Variants in AKAP6 observed in about 807,000 individuals in gnomAD.
The protein encoded by AKAP6 is A-kinase anchoring protein 6, also known as A-kinase anchor protein 6.
A neutral mutation model predicts 188.5 loss-of-function variants in AKAP6; 58 were observed. That is an observed-to-expected ratio of 0.31 (90% CI 0.25 to 0.38). The LOEUF (loss-of-function observed/expected upper bound fraction) is 0.38. Ranked by LOEUF, AKAP6 falls within the 10% of genes least tolerant of loss-of-function variation. The pLI is 1.00. For synonymous variants in AKAP6, 989 were observed against 998.6 expected (o/e 0.99, Z 0.18); for missense variants, 2,710 against 2,740.0 (o/e 0.99, Z 0.24).
intron 12 of AKAP6, among the ~76,000 whole-genome samples, chr14:32,774,762 A>G (rs911501326): frequency 2.0e-5 from 3 of 152,184 alleles, no homozygotes; most frequent in African/African-American, 7.2e-5. Flanking sequence ...ACATACATAC[A>G]TACATACATA....
chr14:32,502,181 A>G (rs1014938089), intron 2 of AKAP6, among the ~76,000 whole-genome samples: 1 of 152,204 alleles, frequency 6.6e-6, no homozygotes, highest in African/African-American at 2.4e-5. Context: ...TTAGAAGAAT[A>G]GTAACAGAAG....
At chr14:32,346,729 C>T (rs373530010) in intron 1 of AKAP6, among the ~76,000 whole-genome samples, 4 of 152,128 alleles carry the variant, frequency 2.6e-5, no homozygotes, top group South Asian at 4.1e-4. Context: ...AGGATGGTCT[C>T]GATCTCCTGA....
intron 7 of AKAP6, among the ~76,000 whole-genome samples, chr14:32,635,739 A>G (rs1887457574): frequency 6.6e-6 from 1 of 152,154 alleles, no homozygotes; most frequent in Admixed American, 6.6e-5. Context: ...ATTTTAATAA[A>G]CACATAAAGA....
intron 7 of AKAP6, among the ~76,000 whole-genome samples, chr14:32,656,888 C>T (rs1413612758): frequency 4.6e-5 from 7 of 152,150 alleles, no homozygotes; most frequent in African/African-American, 1.7e-4. Flanking sequence ...ATGCTTCTCT[C>T]TGTTTATCCT....
chr14:32,746,135 C>T (rs1349635443), intron 11 of AKAP6, among the ~76,000 whole-genome samples: 1 of 152,046 alleles, frequency 6.6e-6, no homozygotes, highest in African/African-American at 2.4e-5. Flanking sequence ...ATTGGGGACC[C>T]CAAGAGCCCA....
chr14:32,468,382 G>C (rs1878579378), intron 2 of AKAP6, among the ~76,000 whole-genome samples: 1 of 152,138 alleles, frequency 6.6e-6, no homozygotes, highest in Admixed American at 6.6e-5. Flanking sequence ...GAAGTGAATA[G>C]ACCAAAGTCC....
At chr14:32,392,928 A>G (rs1888758392) in intron 1 of AKAP6, among the ~76,000 whole-genome samples, 1 of 152,122 alleles carries the variant, frequency 6.6e-6, no homozygotes, top group Non-Finnish European at 1.5e-5. Context: ...AATTATGGAA[A>G]TAGAAAAATC....
Position 32,388,782 on chromosome 14 carries a change from A to G in AKAP6, c.-34-44678A>G, listed in dbSNP as rs1206474412. ...TGTTTTGTGACCTATCATATGGTCT[A>G]TATTGGAGAAAGTTCCATGCACTGT... On this transcript the variant is annotated intron_variant, in intron 1 of 13. Coordinates refer to ENST00000280979, the MANE Select transcript of AKAP6 (RefSeq NM_004274.5). 2.6e-5 allele frequency among the ~76,000 whole-genome samples: 4 copies of G among 152,144 alleles called. 1 individual carries two copies. Among genetic ancestry groups the G allele is most frequent in the Admixed American group, 1.3e-4 (2 of 15,270 alleles).
At chr14:32,757,480 C>T (rs1271651228) in intron 11 of AKAP6, among the ~76,000 whole-genome samples, 1 of 152,106 alleles carries the variant, frequency 6.6e-6, no homozygotes, top group Non-Finnish European at 1.5e-5. Flanking sequence ...CCCAGGCTCC[C>T]CTTTAAATAA....
chr14:32,352,494 C>T (rs1033209606), intron 1 of AKAP6, among the ~76,000 whole-genome samples: 1 of 152,022 alleles, frequency 6.6e-6, no homozygotes, highest in Non-Finnish European at 1.5e-5. Flanking sequence ...CAATAGAATA[C>T]CAGAACTTAT....
intron 5 of AKAP6, among the ~76,000 whole-genome samples, chr14:32,586,572 G>A (rs1741250237): frequency 6.6e-6 from 1 of 152,118 alleles, no homozygotes; most frequent in Admixed American, 6.5e-5. Context: ...GGTTGCAGAG[G>A]TTGAGCTGAG....
rs187308157 is a variant in AKAP6, at chr14:32,713,060, T to C, written c.3000+16950T>C. Among the ~76,000 whole-genome samples the C allele has an allele frequency of 9.1e-4, 139 of 152,164 alleles. 1 individual carries two copies. Among genetic ancestry groups the C allele is most frequent in the African/African-American group, 3.3e-3 (135 of 41,532 alleles). On this transcript the variant is annotated intron_variant, in intron 9 of 13. Coordinates refer to ENST00000280979, the MANE Select transcript of AKAP6 (RefSeq NM_004274.5). ...ACACCTTGATCCATGGGCCACAGAA[T>C]GAATGTTGTGTTAATAGGCATGAAA...
intron 8 of AKAP6, among the ~76,000 whole-genome samples, chr14:32,686,378 T>A (rs975955821): frequency 6.6e-6 from 1 of 152,114 alleles, no homozygotes; most frequent in African/African-American, 2.4e-5. Context: ...TAGCGCTTGA[T>A]AGCACAACAG....
At chr14:32,582,181 G>A (rs1367314643) in intron 5 of AKAP6, among the ~76,000 whole-genome samples, 5 of 152,132 alleles carry the variant, frequency 3.3e-5, no homozygotes, top group African/African-American at 9.6e-5. Context: ...CTCTTTTAGG[G>A]CAGGCCTGGT....
chr14:32,580,903 T>G (rs1884935375), intron 5 of AKAP6, among the ~76,000 whole-genome samples: 1 of 152,216 alleles, frequency 6.6e-6, no homozygotes, highest in Non-Finnish European at 1.5e-5. Flanking sequence ...TATGGCTGCA[T>G]AGTATTCCAT....
intron 7 of AKAP6, among the ~76,000 whole-genome samples, chr14:32,657,411 CTG>C (rs1888501528): frequency 6.6e-6 from 1 of 152,182 alleles, no homozygotes; most frequent in Admixed American, 6.6e-5. Flanking sequence ...GCCTACAAAT[CTG>C]TGAGTGCTGC....
intron 2 of AKAP6, among the ~76,000 whole-genome samples, chr14:32,454,691 C>T (rs1566512127): frequency 1.8e-5 from 1 of 55,184 alleles, no homozygotes; most frequent in East Asian, 4.8e-4. Flanking sequence ...CTCCTTCCCT[C>T]CCTCCCTCCC....
intron 12 of AKAP6, among the ~76,000 whole-genome samples, chr14:32,798,330 G>A (rs1045641970): frequency 6.6e-6 from 1 of 152,176 alleles, no homozygotes; most frequent in Admixed American, 6.5e-5. Flanking sequence ...GTGGAAAGCA[G>A]TTTGGAGAGT....
chr14:32,348,417 C>CTTTTTTTTTTTTTTTTTTTTT (rs71115063), intron 1 of AKAP6, among the ~76,000 whole-genome samples: 4 of 126,168 alleles, frequency 3.2e-5, no homozygotes, highest in African/African-American at 6.2e-5. Flanking sequence ...TCTTTTGTTT[C>CTTTTTTTTTTTTTTTTTTTTT]TTTTTTTTTT....
Sources: gnomAD v4.1 joint callset for allele counts (sites outside exome capture counted in the v4.1 genomes callset) on GRCh38, gnomAD v4.1.1 for gene constraint, MANE v1.5 for transcripts, NCBI Gene and HGNC (gene_info 2026-07-23, HGNC 2026-07-21) for gene names.